Variants in DIAPH3 observed in about 807,000 individuals in gnomAD.
The protein encoded by DIAPH3 is protein diaphanous homolog 3.
In DIAPH3, 117 loss-of-function variants were observed where a neutral mutation model predicts 144.3. The observed-to-expected ratio is 0.81, with a 90% CI of 0.70 to 0.95. DIAPH3 has a LOEUF of 0.95. DIAPH3 is among the 40% of genes least tolerant of loss of function. DIAPH3 has a pLI of 0.00. For synonymous variants in DIAPH3, 519 were observed against 488.9 expected (o/e 1.06, Z -0.81); for missense variants, 1,421 against 1,412.7 (o/e 1.01, Z -0.09).
intron 4 of DIAPH3, among the ~76,000 whole-genome samples, chr13:60,043,352 C>G (rs1260894805): frequency 1.3e-5 from 2 of 152,028 alleles, no homozygotes; most frequent in Non-Finnish European, 2.9e-5. Flanking sequence ...AACACAGCAC[C>G]AAGAGACTCA....
At chr13:59,728,441 T>C (rs1299754692) in intron 27 of DIAPH3, among the ~76,000 whole-genome samples, 1 of 151,912 alleles carries the variant, frequency 6.6e-6, no homozygotes, top group Non-Finnish European at 1.5e-5. Context: ...TATAAAGATA[T>C]AAAGAGATTT....
At chr13:59,760,243 TCTC>T (rs2037508092) in intron 27 of DIAPH3, among the ~76,000 whole-genome samples, 1 of 152,186 alleles carries the variant, frequency 6.6e-6, no homozygotes, top group Non-Finnish European at 1.5e-5. Context: ...CTTTATATTT[TCTC>T]CTCCTTTCGT....
intron 9 of DIAPH3, among the ~76,000 whole-genome samples, chr13:59,995,964 TAAAGAA>T (rs2052166036): frequency 6.6e-6 from 1 of 151,868 alleles, no homozygotes; most frequent in African/African-American, 2.4e-5. Context: ...AGAAATAAGT[TAAAGAA>T]AAAGAAAAGT....
intron 24 of DIAPH3, among the ~76,000 whole-genome samples, chr13:59,812,572 G>C (rs1178362643): frequency 1.3e-5 from 2 of 152,106 alleles, no homozygotes; most frequent in Non-Finnish European, 2.9e-5. Context: ...CTTTACATTA[G>C]GTAGTTAGAT....
chr13:59,983,080 T>C (rs1167354537), intron 13 of DIAPH3, among the ~76,000 whole-genome samples: 7 of 143,448 alleles, frequency 4.9e-5, no homozygotes, highest in African/African-American at 1.8e-4. Context: ...AGCAAGTGCC[T>C]GACGAAAACT....
At chr13:59,817,414 G>A (rs1300546521) in intron 24 of DIAPH3, among the ~76,000 whole-genome samples, 1 of 151,734 alleles carries the variant, frequency 6.6e-6, no homozygotes, top group Non-Finnish European at 1.5e-5. Context: ...TATCTTTCAC[G>A]TGAATTAAGC....
At chr13:59,751,176 T>G (rs2036989462) in intron 27 of DIAPH3, among the ~76,000 whole-genome samples, 1 of 152,268 alleles carries the variant, frequency 6.6e-6, no homozygotes, top group African/African-American at 2.4e-5. Context: ...AAGAATTTCA[T>G]TGCTATGGCA....
chr13:59,980,715 A>G, intron 14 of DIAPH3, 80 bp downstream of exon 14: 1 of 1,278,170 alleles, frequency 7.8e-7, no homozygotes, highest in Non-Finnish European at 1.1e-6. Flanking sequence ...AAGAACGAAT[A>G]ACAAGCAAAT....
intron 2 of DIAPH3, among the ~76,000 whole-genome samples, chr13:60,127,685 T>TAAAA (rs2059023804): frequency 6.6e-6 from 1 of 152,110 alleles, no homozygotes; most frequent in South Asian, 2.1e-4. Flanking sequence ...AAAACTGAAC[T>TAAAA]ATAGTTCAGA....
chr13:59,997,495 C>T (rs1555352714), intron 9 of DIAPH3, among the ~76,000 whole-genome samples: 1 of 152,026 alleles, frequency 6.6e-6, no homozygotes, highest in Non-Finnish European at 1.5e-5. Context: ...GTGAATAGTG[C>T]TGTAATAAAC....
At chr13:60,162,922 A>G (rs74332338) in intron 1 of DIAPH3, among the ~76,000 whole-genome samples, 8,048 of 151,830 alleles carry the variant, frequency 0.053, 304 homozygotes, top group Admixed American at 0.099. Context: ...TCCCAAATCT[A>G]TCAACCCTCT....
At chr13:60,087,459 A>T (rs1007744822) in intron 4 of DIAPH3, among the ~76,000 whole-genome samples, 4 of 152,216 alleles carry the variant, frequency 2.6e-5, no homozygotes, top group Non-Finnish European at 5.9e-5. Context: ...ACAAGAAACT[A>T]TAATTCTACA....
chr13:59,911,959 C>A lies in DIAPH3; in HGVS notation c.2266-123G>T, dbSNP rs1057427701. The stretch of plus-strand genomic sequence containing the variant: ...AATCTTCAGTTTTATTTCTAGGTAA[C>A]CTCCCTCCTAATAAGCCTTAAGCAA... On this transcript the variant is annotated intron_variant, in intron 19 of 27. Coordinates refer to ENST00000400324, the MANE Select transcript of DIAPH3 (RefSeq NM_001042517.2). The A allele has an allele frequency of 1.5e-5, 12 of 788,074 alleles. No individual in the cohort carries two copies. The African/African-American group carries it at 1.9e-4, about 13-fold the overall frequency. The allele number at this position is 788,074 out of a possible 1,614,324, so 48.8% of individuals were successfully genotyped here.
At chr13:59,679,833 AAAG>A (rs1350867943) in intron 27 of DIAPH3, among the ~76,000 whole-genome samples, 10 of 152,258 alleles carry the variant, frequency 6.6e-5, no homozygotes, top group Non-Finnish European at 1.5e-5. Flanking sequence ...CAATGCACAA[AAAG>A]AATAAATTAC....
At chr13:59,871,873 C>T (rs530636489) in intron 21 of DIAPH3, among the ~76,000 whole-genome samples, 12 of 152,136 alleles carry the variant, frequency 7.9e-5, no homozygotes, top group Non-Finnish European at 1.8e-4. Flanking sequence ...CATTTGTAGG[C>T]TTGGTTGTGT....
chr13:60,140,399 T>C (rs961211602), intron 1 of DIAPH3, among the ~76,000 whole-genome samples: 1 of 152,194 alleles, frequency 6.6e-6, no homozygotes, highest in Admixed American at 6.5e-5. Flanking sequence ...AGCATTACTT[T>C]AAATAGCTAG....
intron 27 of DIAPH3, among the ~76,000 whole-genome samples, chr13:59,749,899 C>A (rs2036912196): frequency 6.6e-6 from 1 of 152,024 alleles, no homozygotes; most frequent in South Asian, 2.1e-4. Flanking sequence ...TATTTCAGGG[C>A]CCTTCATGAT....
intron 12 of DIAPH3, among the ~76,000 whole-genome samples, chr13:59,985,471 A>G (rs2140749202): frequency 1.5e-5 from 1 of 66,854 alleles, no homozygotes; most frequent in South Asian, 5.6e-4. Context: ...AGTTCTGGCC[A>G]GGGCAATCAG....
chr13:59,778,230 G>A (rs919034780), intron 25 of DIAPH3, among the ~76,000 whole-genome samples: 3 of 152,048 alleles, frequency 2.0e-5, no homozygotes, highest in African/African-American at 7.2e-5. Context: ...TGACCCATGT[G>A]GCATAAACTA....
Sources: allele counts gnomAD v4.1 joint callset (sites outside exome capture counted in the v4.1 genomes callset), GRCh38; gene constraint gnomAD v4.1.1; transcripts MANE v1.5; gene names NCBI Gene and HGNC (gene_info 2026-07-23, HGNC 2026-07-21).